The following SLC7A14 variants were observed in gnomAD, a reference collection of about 807,000 sequenced individuals.
SLC7A14 encodes the protein solute carrier family 7 member 14.
A neutral mutation model predicts 60.2 loss-of-function variants in SLC7A14; 37 were observed. The observed-to-expected ratio is 0.61, with a 90% CI of 0.47 to 0.81. The LOEUF is 0.81. Among genes scored for constraint, SLC7A14 ranks in the 30% least tolerant of loss-of-function variants. The probability of loss-of-function intolerance (pLI) is 0.00; values close to 1 mark genes in which losing one functional copy is unlikely to be tolerated. For missense variants in SLC7A14, 886 were observed against 982.7 expected, an observed-to-expected ratio of 0.90 and a Z score of 1.32; for synonymous variants, 399 against 395.8, an observed-to-expected ratio of 1.01 and a Z score of -0.10.
At chr3:170,548,653 G>A (rs942616355) in intron 1 of SLC7A14, among the ~76,000 whole-genome samples, 2 of 152,210 alleles carry the variant, frequency 1.3e-5, no homozygotes, top group African/African-American at 4.8e-5. Context: ...CTTTCATGGA[G>A]CTTCTGAGTC....
intron 2 of SLC7A14, among the ~76,000 whole-genome samples, chr3:170,514,891 AACTT>A (rs541202702): frequency 1.8e-4 from 28 of 152,364 alleles, no homozygotes; most frequent in Middle Eastern, 3.4e-3. Context: ...TACATACAAA[AACTT>A]AATCTTCACA....
chr3:170,470,539 G>T (rs1026154716), intron 7 of SLC7A14, among the ~76,000 whole-genome samples: 1 of 152,090 alleles, frequency 6.6e-6, no homozygotes, highest in Admixed American at 6.6e-5. Flanking sequence ...AACAAGAAAC[G>T]ACCGTGTGCA....
At chr3:170,566,325 G>A (rs1714785372) in intron 1 of SLC7A14, among the ~76,000 whole-genome samples, 2 of 152,138 alleles carry the variant, frequency 1.3e-5, no homozygotes, top group South Asian at 4.1e-4. Flanking sequence ...TTGGGAGACT[G>A]GAGTCAGGTG....
At chr3:170,566,908 A>G (rs1560282631) in intron 1 of SLC7A14, among the ~76,000 whole-genome samples, 1 of 152,256 alleles carries the variant, frequency 6.6e-6, no homozygotes, top group Middle Eastern at 3.4e-3. Flanking sequence ...AAGTTGAAAT[A>G]GACCACCCTG....
At chr3:170,584,374 A>G (rs1266077706) in intron 1 of SLC7A14, among the ~76,000 whole-genome samples, 6 of 152,184 alleles carry the variant, frequency 3.9e-5, no homozygotes, top group African/African-American at 1.4e-4. Flanking sequence ...AGCCACAGAA[A>G]TGTTTATTAT....
At chr3:170,511,674 T>G (rs1712984121) in intron 2 of SLC7A14, among the ~76,000 whole-genome samples, 3 of 152,180 alleles carry the variant, frequency 2.0e-5, no homozygotes, top group Admixed American at 2.0e-4. Flanking sequence ...TACAGGAGCC[T>G]TTGCCTCAGA....
At chr3:170,481,593 AGTTTCACCAT>A (rs1389811126) in intron 6 of SLC7A14, among the ~76,000 whole-genome samples, 1 of 151,934 alleles carries the variant, frequency 6.6e-6, no homozygotes, top group Non-Finnish European at 1.5e-5. Context: ...GTAGAGACAG[AGTTTCACCAT>A]GTTGACCAGG....
chr3:170,472,010 T>G (rs1475537271), intron 7 of SLC7A14, among the ~76,000 whole-genome samples: 1 of 151,888 alleles, frequency 6.6e-6, no homozygotes, highest in Non-Finnish European at 1.5e-5. Flanking sequence ...TTTGAGTTGA[T>G]GGGTCATGGT....
chr3:170,491,640 C>T (rs1339038578), intron 4 of SLC7A14, among the ~76,000 whole-genome samples: 5 of 151,958 alleles, frequency 3.3e-5, no homozygotes, highest in Middle Eastern at 3.4e-3. Flanking sequence ...TCCTGGAGTC[C>T]GGTGGGAGCT....
intron 6 of SLC7A14, among the ~76,000 whole-genome samples, chr3:170,481,784 T>C (rs1173776824): frequency 1.3e-5 from 2 of 152,174 alleles, no homozygotes; most frequent in African/African-American, 4.8e-5. Context: ...CTAGGAGGTC[T>C]GTCTTTCAGA....
intron 2 of SLC7A14, among the ~76,000 whole-genome samples, chr3:170,523,772 G>A (rs1175993364): frequency 6.6e-6 from 1 of 152,144 alleles, no homozygotes; most frequent in African/African-American, 2.4e-5. Context: ...GTATGGAGAA[G>A]CAGTGGGAAG....
At chr3:170,517,322 C>T (rs576686559) in intron 2 of SLC7A14, among the ~76,000 whole-genome samples, 50 of 152,300 alleles carry the variant, frequency 3.3e-4, no homozygotes, top group African/African-American at 1.1e-3. Context: ...TGAGGACTGG[C>T]ATGCATTTGT....
chr3:170,467,147 G>T lies in SLC7A14; in HGVS notation c.2224C>A (p.Arg742=). The T allele has an allele frequency of 6.2e-7, 1 of 1,614,162 alleles. No individual in the cohort carries two copies. Among genetic ancestry groups the T allele is most frequent in the Non-Finnish European group, 8.5e-7 (1 of 1,180,022 alleles). The change falls in exon 8 of 8, where the codon CGG becomes AGG. Residue 742 remains arginine (R), a synonymous_variant. Coordinates refer to ENST00000231706, the MANE Select transcript of SLC7A14 (RefSeq NM_020949.3). The stretch of plus-strand genomic sequence containing the variant: ...TTGCTCTTCGCTTTGCTACTTGTCC[G>T]GCCGTTTGCCTTCGCATCTGACATC... ...QQMSDAKANG[R]TSSKAKSKSK...
chr3:170,506,457 G>A (rs1051749780), intron 2 of SLC7A14, among the ~76,000 whole-genome samples: 4 of 152,128 alleles, frequency 2.6e-5, no homozygotes, highest in Admixed American at 6.6e-5. Context: ...ACAAGGTACC[G>A]GGAGATTCTC....
chr3:170,532,967 C>G lies in SLC7A14; in HGVS notation c.-152-5879G>C, dbSNP rs1478810956. On this transcript the variant is annotated intron_variant, in intron 1 of 7. Transcript: ENST00000231706. The surrounding 1 kb of genome is among the most constrained non-coding windows in gnomAD (Gnocchi z 4.0). ...GCTTAGGCCTTTGGGTGTTATGCCT[C>G]CTCTCATTCTTCTATACTTTTGACT... Among the ~76,000 whole-genome samples, 2 of 152,120 alleles carry G rather than the reference C, an allele frequency of 1.3e-5. No individual in the cohort carries two copies. The highest frequency in any genetic ancestry group is 2.9e-5 in the Non-Finnish European group (2 of 68,020).
At chr3:170,499,236 CAAAAAAAAAAAAAAAAAAA>C (rs11336080) in intron 3 of SLC7A14, among the ~76,000 whole-genome samples, 1 of 59,928 alleles carries the variant, frequency 1.7e-5, no homozygotes, top group East Asian at 4.7e-4. Context: ...GACTCTGTCT[CAAAAAAAAAAAAAAAAAAA>C]AAAAAAAAAA....
Position 170,480,501 on chromosome 3 carries a change from C to T in SLC7A14, c.1781G>A (p.Ser594Asn). 6.2e-7 allele frequency: 1 copy of T among 1,614,194 alleles called. No individual in the cohort carries two copies. The highest frequency in any genetic ancestry group is 1.3e-5 in the African/African-American group (1 of 75,040). Residue 594 changes from serine (S) to asparagine (N), a missense_variant, in exon 7 of 8, where the codon AGC becomes AAC. Coordinates refer to ENST00000231706, the MANE Select transcript of SLC7A14 (RefSeq NM_020949.3). ...IFGSDYISEQ[S>N]WWAILLVVLM... The stretch of plus-strand genomic sequence containing the variant: ...AACAACCAGAAGGATGGCCCACCAG[C>T]TCTGCTCTGAGATGTAGTCAGAACC...
intron 1 of SLC7A14, among the ~76,000 whole-genome samples, chr3:170,534,082 T>A (rs1713764800): frequency 6.6e-6 from 1 of 152,224 alleles, no homozygotes; most frequent in Non-Finnish European, 1.5e-5. Flanking sequence ...TCTAAAAAGT[T>A]ATTGAGTATA....
chr3:170,468,445 G>A (rs919207641), intron 7 of SLC7A14, among the ~76,000 whole-genome samples: 1 of 152,046 alleles, frequency 6.6e-6, no homozygotes, highest in Non-Finnish European at 1.5e-5. Flanking sequence ...CCACAGGCAT[G>A]TGCCACCACG....
Sources: gnomAD v4.1 joint callset for allele counts (sites outside exome capture counted in the v4.1 genomes callset) on GRCh38, gnomAD v4.1.1 for gene constraint, Gnocchi (gnomAD v3.1) non-coding constraint, MANE v1.5 for transcripts, NCBI Gene and HGNC (gene_info 2026-07-23, HGNC 2026-07-21) for gene names.